The following GPHN variants were observed in gnomAD, a reference collection of about 807,000 sequenced individuals.
GPHN encodes the protein gephyrin.
A neutral mutation model predicts 95.5 loss-of-function variants in GPHN; 17 were observed. The observed-to-expected ratio is 0.18, with a 90% CI of 0.12 to 0.27. The LOEUF is 0.27. GPHN is among the 10% of genes least tolerant of loss of function. The pLI, the probability that GPHN is intolerant of heterozygous loss-of-function variation, is 1.00. For synonymous variants in GPHN, 320 were observed against 322.5 expected (o/e 0.99, Z 0.08); for missense variants, 660 against 978.1 (o/e 0.67, Z 4.34).
At chr14:66,776,106 C>T (rs1022884136) in intron 2 of GPHN, among the ~76,000 whole-genome samples, 1 of 152,118 alleles carries the variant, frequency 6.6e-6, no homozygotes, top group Non-Finnish European at 1.5e-5. Context: ...AAGTAAAAAG[C>T]TATGATTTCT....
chr14:67,020,129 ATC>A (rs766470720), intron 9 of GPHN, among the ~76,000 whole-genome samples: 65 of 152,128 alleles, frequency 4.3e-4, no homozygotes, highest in Non-Finnish European at 8.1e-4. Flanking sequence ...ATATTGGGCC[ATC>A]TCTCTCTTTT....
At chr14:67,118,838 T>C (rs1004834267) in intron 16 of GPHN, among the ~76,000 whole-genome samples, 2 of 152,252 alleles carry the variant, frequency 1.3e-5, no homozygotes, top group Non-Finnish European at 2.9e-5. Flanking sequence ...GCGTTTCTTA[T>C]ATTTTTCTTC....
At chr14:67,569,857 C>G in the GPHN span, 3,098 of 1,047,172 alleles carry the variant, frequency 3.0e-3, 3 homozygotes, top group Non-Finnish European at 3.9e-3. Flanking sequence ...CAGTTCTCTG[C>G]TTCCCCCACA....
At chr14:67,595,436 CAATTATAA>C in the GPHN span, among the ~76,000 whole-genome samples, 1 of 152,148 alleles carries the variant, frequency 6.6e-6, no homozygotes, top group Non-Finnish European at 1.5e-5. Flanking sequence ...ATAGACTGAA[CAATTATAA>C]AGTGCTTAGC....
chr14:66,737,867 C>T (rs1478606232), intron 2 of GPHN, among the ~76,000 whole-genome samples: 1 of 152,132 alleles, frequency 6.6e-6, no homozygotes, highest in Non-Finnish European at 1.5e-5. Context: ...ATATGTTGGT[C>T]TGCTATAGTA....
At chr14:67,321,110 G>T in the GPHN span, 2 of 1,614,180 alleles carry the variant, frequency 1.2e-6, no homozygotes, top group Non-Finnish European at 1.7e-6. Flanking sequence ...TTACCACTTT[G>T]TTTCGCGGCA....
At chr14:67,293,528 A>ATT in the GPHN span, among the ~76,000 whole-genome samples, 5 of 152,108 alleles carry the variant, frequency 3.3e-5, no homozygotes, top group African/African-American at 4.8e-5. Flanking sequence ...TTAGCACATA[A>ATT]TTGTCCCCAA....
the GPHN span, among the ~76,000 whole-genome samples, chr14:67,666,320 T>C: frequency 6.6e-6 from 1 of 152,308 alleles, no homozygotes; most frequent in East Asian, 1.9e-4. Context: ...ACTACATAAA[T>C]GAAAGGGGGA....
intron 1 of GPHN, among the ~76,000 whole-genome samples, chr14:66,604,990 A>G (rs1252717918): frequency 6.6e-6 from 1 of 152,062 alleles, no homozygotes; most frequent in Non-Finnish European, 1.5e-5. Context: ...TAATTAGGAT[A>G]ATGGCCTCCA....
chr14:67,144,286 T>C (rs28678515), intron 18 of GPHN, among the ~76,000 whole-genome samples: 5,482 of 77,588 alleles, frequency 0.071, 1,058 homozygotes, highest in African/African-American at 0.24. Context: ...TATATATATA[T>C]ACACACACAC....
intron 1 of GPHN, among the ~76,000 whole-genome samples, chr14:66,603,078 A>C (rs577330743): frequency 2.6e-4 from 39 of 152,012 alleles, no homozygotes; most frequent in African/African-American, 8.7e-4. Flanking sequence ...AAAACAATTG[A>C]AAAAATTGTA....
At chr14:66,649,264 G>A (rs1489942792) in intron 1 of GPHN, among the ~76,000 whole-genome samples, 1 of 152,042 alleles carries the variant, frequency 6.6e-6, no homozygotes, top group Non-Finnish European at 1.5e-5. Context: ...AACCTGGGAG[G>A]TGGAGGTTGC....
chr14:67,661,999 A>G, the GPHN span, among the ~76,000 whole-genome samples: 1 of 152,072 alleles, frequency 6.6e-6, no homozygotes, highest in Non-Finnish European at 1.5e-5. Context: ...TACTGAAAAT[A>G]CAAAAAAACA....
At chr14:67,102,478 T>A (rs2077764986) in intron 13 of GPHN, among the ~76,000 whole-genome samples, 2 of 151,730 alleles carry the variant, frequency 1.3e-5, no homozygotes, top group East Asian at 2.0e-4. Context: ...GTAACCAACA[T>A]GGAGAAAGCC....
chr14:67,200,151 C>A, the GPHN span: 1 of 1,151,562 alleles, frequency 8.7e-7, no homozygotes, highest in Non-Finnish European at 1.2e-6. Context: ...CCATGGGTCA[C>A]CCAGGTCCTA....
At chr14:67,718,757 G>C in the GPHN span, among the ~76,000 whole-genome samples, 2 of 152,164 alleles carry the variant, frequency 1.3e-5, no homozygotes, top group Non-Finnish European at 2.9e-5. Context: ...ATTGGTCCCT[G>C]GCTTTTTTGA....
intron 5 of GPHN, among the ~76,000 whole-genome samples, chr14:66,904,284 C>G (rs1287886784): frequency 6.6e-6 from 1 of 152,096 alleles, no homozygotes; most frequent in African/African-American, 2.4e-5. Flanking sequence ...CCCCTGCTGA[C>G]TAGGGTTGGC....
chr14:67,194,513 T>C, the GPHN span, among the ~76,000 whole-genome samples: 1 of 152,104 alleles, frequency 6.6e-6, no homozygotes. Flanking sequence ...CTAAACTATT[T>C]TTTTTCCCCC....
downstream of GPHN, among the ~76,000 whole-genome samples, chr14:67,185,200 G>A (rs113847060): frequency 2.9e-3 from 448 of 152,236 alleles, 4 homozygotes; most frequent in African/African-American, 9.9e-3. Flanking sequence ...AGATTTGTTC[G>A]TGGGTTTTGA....
Sources: gnomAD v4.1 joint callset for allele counts (sites outside exome capture counted in the v4.1 genomes callset) on GRCh38, gnomAD v4.1.1 for gene constraint, MANE v1.5 for transcripts, NCBI Gene and HGNC (gene_info 2026-07-23, HGNC 2026-07-21) for gene names.